Variants in CTIF observed in about 807,000 individuals in gnomAD.
CTIF encodes the protein cap binding complex dependent translation initiation factor, also known as CBP80/20-dependent translation initiation factor.
Under a neutral mutation model 66.0 loss-of-function variants are expected in CTIF, and 21 were observed. That is an observed-to-expected ratio of 0.32 (90% CI 0.23 to 0.46). CTIF has a LOEUF of 0.46. Among genes scored for constraint, CTIF ranks in the 20% least tolerant of loss-of-function variants. The pLI is 1.00. For missense variants in CTIF, 739 were observed against 812.7 expected (o/e 0.91, Z 1.10); for synonymous variants, 345 against 326.4 (o/e 1.06, Z -0.62).
intron 10 of CTIF, among the ~76,000 whole-genome samples, chr18:48,848,781 G>T (rs145371015): frequency 6.6e-6 from 1 of 152,278 alleles, no homozygotes; most frequent in Non-Finnish European, 1.5e-5. Context: ...TTTCTCCCTG[G>T]CTGCTGTGGG....
intron 11 of CTIF, 107 bp from the exon 12 acceptor site, chr18:48,859,237 G>A (rs2146688446): frequency 2.2e-6 from 2 of 925,578 alleles, no homozygotes; most frequent in Admixed American, 1.7e-5. Flanking sequence ...GGGCCTGTGT[G>A]TCCTTAAGAC....
intron 1 of CTIF, among the ~76,000 whole-genome samples, chr18:48,577,625 T>G (rs1373805374): frequency 6.6e-6 from 1 of 152,184 alleles, no homozygotes; most frequent in Non-Finnish European, 1.5e-5. Flanking sequence ...CAGGCTGGAG[T>G]GCAGTAGTGC....
intron 1 of CTIF, among the ~76,000 whole-genome samples, chr18:48,591,115 C>T (rs896966170): frequency 1.3e-5 from 2 of 152,234 alleles, no homozygotes; most frequent in South Asian, 4.1e-4. Flanking sequence ...GTCTCAGCTC[C>T]TGTCTAGTGA....
intron 1 of CTIF, among the ~76,000 whole-genome samples, chr18:48,603,254 A>T (rs2090132484): frequency 6.9e-6 from 1 of 144,536 alleles, no homozygotes; most frequent in East Asian, 2.2e-4. Flanking sequence ...GGATGAATGG[A>T]TGGATGGATG....
At chr18:48,540,467 C>G (rs973047008) in intron 1 of CTIF, 5 of 151,882 alleles carry the variant, frequency 3.3e-5, no homozygotes, top group Non-Finnish European at 7.3e-5. Flanking sequence ...GCGTCCGGGA[C>G]ACCGCGCGCC....
chr18:48,630,198 A>G (rs2090677445), intron 2 of CTIF, among the ~76,000 whole-genome samples: 1 of 151,998 alleles, frequency 6.6e-6, no homozygotes, highest in Non-Finnish European at 1.5e-5. Context: ...GTCACTGAGC[A>G]GACATCTCTG....
chr18:48,759,141 C>G (rs1347880174), intron 8 of CTIF, among the ~76,000 whole-genome samples: 1 of 152,192 alleles, frequency 6.6e-6, no homozygotes, highest in Non-Finnish European at 1.5e-5. Context: ...TTTGTACTTG[C>G]AGCAGTAAGT....
In CTIF at chr18:48,732,401, G is replaced by T. The variant is rs538908412; in HGVS notation, c.584+20706G>T. On this transcript the variant is annotated intron_variant, in intron 7 of 11. Coordinates refer to ENST00000256413, the MANE Select transcript of CTIF (RefSeq NM_014772.3). ...GAGAAGGCAGAAGGGGACCAGCAGG[G>T]CAGTGCACACCCAGGAGACAGCTCT... 3.3e-5 allele frequency among the ~76,000 whole-genome samples: 5 copies of T among 152,160 alleles called. No homozygotes were observed. The South Asian group carries it at 1.0e-3, about 32-fold the overall frequency.
chr18:48,560,955 T>C (rs1167766779), intron 1 of CTIF, among the ~76,000 whole-genome samples: 6 of 152,054 alleles, frequency 3.9e-5, no homozygotes, highest in Non-Finnish European at 5.9e-5. Context: ...AAAGAAATGT[T>C]TGGCTGGGTG....
At chr18:48,724,355 C>G (rs1055215304) in intron 7 of CTIF, among the ~76,000 whole-genome samples, 1 of 152,176 alleles carries the variant, frequency 6.6e-6, no homozygotes, top group Admixed American at 6.5e-5. Context: ...TCCACCTGCC[C>G]TCAGCTCTGT....
chr18:48,778,298 CT>C (rs915775489), intron 9 of CTIF, among the ~76,000 whole-genome samples: 3 of 152,130 alleles, frequency 2.0e-5, no homozygotes, highest in African/African-American at 7.2e-5. Flanking sequence ...GAAATGTTAG[CT>C]GTTCAAAGGG....
At chr18:48,848,049 G>A (rs573564886) in intron 10 of CTIF, among the ~76,000 whole-genome samples, 29 of 152,278 alleles carry the variant, frequency 1.9e-4, no homozygotes, top group African/African-American at 6.0e-4. Context: ...TACTCCTGAC[G>A]TGTAGGTGGC....
At chr18:48,748,912 G>A (rs1907518820) in intron 7 of CTIF, among the ~76,000 whole-genome samples, 1 of 152,234 alleles carries the variant, frequency 6.6e-6, no homozygotes, top group Non-Finnish European at 1.5e-5. Context: ...TTGCGGGGCA[G>A]CCCTCCCCAT....
intron 2 of CTIF, among the ~76,000 whole-genome samples, chr18:48,623,715 TG>T (rs1379947229): frequency 6.6e-6 from 1 of 152,194 alleles, no homozygotes; most frequent in Non-Finnish European, 1.5e-5. Context: ...AGAGGAATGT[TG>T]CTCTTCAGCT....
intron 2 of CTIF, among the ~76,000 whole-genome samples, chr18:48,626,357 C>CTT (rs199918489): frequency 1.3e-5 from 2 of 149,550 alleles, no homozygotes; most frequent in African/African-American, 4.9e-5. Context: ...TTCTTTTTTT[C>CTT]TTTTTTTTTG....
chr18:48,843,003 T>G (rs2068982715), intron 10 of CTIF, among the ~76,000 whole-genome samples: 1 of 152,104 alleles, frequency 6.6e-6, no homozygotes, highest in African/African-American at 2.4e-5. Context: ...CCCTTCTGCT[T>G]GCCCGGGGTC....
Position 48,730,714 on chromosome 18 carries a change from CGGTGTGAGGGGCTTCCGT to C in CTIF, c.584+19029_584+19046del, listed in dbSNP as rs1241337006. ...GCCCCTGAGGTGTGAGGGGCTTCCGCGGTGTGAGGGGCTTCCGTGGTGTGAGGAGCCCCCGCAGCTTGA... is the reference window on the plus strand; with the variant it reads ...GCCCCTGAGGTGTGAGGGGCTTCCGCGGTGTGAGGAGCCCCCGCAGCTTGA... On this transcript the variant is annotated intron_variant, in intron 7 of 11. Coordinates refer to ENST00000256413, the MANE Select transcript of CTIF (RefSeq NM_014772.3). Among the ~76,000 whole-genome samples, 632 of 89,980 alleles carry C rather than the reference CGGTGTGAGGGGCTTCCGT, an allele frequency of 7.0e-3. 33 individuals are homozygous for C. The highest frequency in any genetic ancestry group is 0.013 in the African/African-American group (303 of 23,948). The allele number at this position is 89,980 out of a possible 152,430, so 59.0% of individuals were successfully genotyped here.
At chr18:48,561,707 C>G (rs16960427) in intron 1 of CTIF, among the ~76,000 whole-genome samples, 2,239 of 152,294 alleles carry the variant, frequency 0.015, 62 homozygotes, top group African/African-American at 0.051. Context: ...TGTCTATATT[C>G]TGAATGAACT....
At chr18:48,660,651 G>A (rs1415669095) in intron 3 of CTIF, among the ~76,000 whole-genome samples, 2 of 152,254 alleles carry the variant, frequency 1.3e-5, no homozygotes, top group Admixed American at 1.3e-4. Context: ...TCCAGGCAGA[G>A]AGGTTCCACC....
Sources: gnomAD v4.1 joint callset for allele counts (sites outside exome capture counted in the v4.1 genomes callset) on GRCh38, gnomAD v4.1.1 for gene constraint, MANE v1.5 for transcripts, NCBI Gene and HGNC (gene_info 2026-07-23, HGNC 2026-07-21) for gene names.